CACNG4: variants seen among roughly 807,000 people sequenced by gnomAD.
CACNG4 encodes the protein calcium voltage-gated channel auxiliary subunit gamma 4.
In CACNG4, 8 loss-of-function variants were observed where a neutral mutation model predicts 22.9. That is an observed-to-expected ratio of 0.35 (90% CI 0.21 to 0.63). The LOEUF (loss-of-function observed/expected upper bound fraction) is 0.63, where lower values mean the gene tolerates loss of function less well. Ranked by LOEUF, CACNG4 falls within the 30% of genes least tolerant of loss-of-function variation. The pLI is 0.72. For missense variants in CACNG4, 357 were observed against 455.4 expected, an observed-to-expected ratio of 0.78 and a Z score of 1.97; for synonymous variants, 188 against 191.9, an observed-to-expected ratio of 0.98 and a Z score of 0.17.
Position 67,032,208 on chromosome 17 carries a change from G to C in CACNG4, c.*1204G>C. The stretch of plus-strand genomic sequence containing the variant: ...GGGCTTCTCTTCCTCCCTACAGAGG[G>C]GAGATCTCAGCACTTTGTCCGGAGC... On this transcript the variant is annotated 3_prime_UTR_variant, in exon 4 of 4. Coordinates refer to ENST00000262138, the MANE Select transcript of CACNG4 (RefSeq NM_014405.4). The C allele has an allele frequency of 5.6e-6, 2 of 356,334 alleles. No individual in the cohort carries two copies. The highest frequency in any genetic ancestry group is 2.1e-5 in the South Asian group (1 of 46,748). 22.1% of individuals were successfully genotyped at this position (356,334 alleles called of 1,614,324 possible).
intron 1 of CACNG4, among the ~76,000 whole-genome samples, chr17:66,985,975 G>A (rs1035095459): frequency 6.6e-6 from 1 of 151,712 alleles, no homozygotes; most frequent in Non-Finnish European, 1.5e-5. Flanking sequence ...AGAAGAAGAA[G>A]GTTCCAGACA....
rs2035595917 is a variant in CACNG4, at chr17:67,030,429, C to T, written c.446-37C>T. 14 of 1,598,258 alleles carry T rather than the reference C, an allele frequency of 8.8e-6. No homozygotes were observed. In the Middle Eastern group the frequency reaches 1.7e-3, roughly 191 times the overall value. On this transcript the variant is annotated intron_variant, in intron 3 of 3. Coordinates refer to ENST00000262138, the MANE Select transcript of CACNG4 (RefSeq NM_014405.4). This position sits in a 1 kb window ranked among gnomAD's most constrained non-coding sequence, Gnocchi z 6.4. Reference sequence around the variant, plus strand: ...GGGTCTAACCTCTGCCTCTCTCCCTCCCTGGCCCCGCTCCCCGCTCCCCGC... The same window carrying T: ...GGGTCTAACCTCTGCCTCTCTCCCTTCCTGGCCCCGCTCCCCGCTCCCCGC...
intron 1 of CACNG4, among the ~76,000 whole-genome samples, chr17:66,988,420 TG>T (rs1451296337): frequency 6.6e-6 from 1 of 152,216 alleles, no homozygotes; most frequent in Non-Finnish European, 1.5e-5. Context: ...TTCTTTGAAG[TG>T]AGGAAGCAGA....
At chr17:66,973,910 G>A (rs756868032) in intron 1 of CACNG4, among the ~76,000 whole-genome samples, 3 of 152,186 alleles carry the variant, frequency 2.0e-5, no homozygotes, top group African/African-American at 7.2e-5. Flanking sequence ...AGTGCTGCGC[G>A]AGACTCTCTT....
intron 1 of CACNG4, among the ~76,000 whole-genome samples, chr17:66,972,814 T>A (rs1308661608): frequency 1.3e-5 from 2 of 151,954 alleles, no homozygotes; most frequent in African/African-American, 4.8e-5. Flanking sequence ...TCATTCCAGC[T>A]ACTCGGGAGG....
intron 1 of CACNG4, among the ~76,000 whole-genome samples, chr17:66,983,251 G>A (rs1373837961): frequency 6.6e-6 from 1 of 152,176 alleles, no homozygotes; most frequent in Non-Finnish European, 1.5e-5. Flanking sequence ...CCCAGCACCT[G>A]CACCCAGGTC....
At chr17:66,981,437 T>G (rs904176570) in intron 1 of CACNG4, among the ~76,000 whole-genome samples, 8 of 152,254 alleles carry the variant, frequency 5.3e-5, no homozygotes, top group Non-Finnish European at 1.2e-4. Flanking sequence ...GGGTTCTTCT[T>G]TGGTCTACCC....
chr17:66,975,112 C>T (rs990562476), intron 1 of CACNG4, among the ~76,000 whole-genome samples: 5 of 152,190 alleles, frequency 3.3e-5, no homozygotes, highest in Admixed American at 2.0e-4. Flanking sequence ...CTCCTTCCAC[C>T]GCTATCACCC....
At chr17:67,014,819 C>T (rs2035487260) in intron 1 of CACNG4, among the ~76,000 whole-genome samples, 1 of 151,928 alleles carries the variant, frequency 6.6e-6, no homozygotes, top group Non-Finnish European at 1.5e-5. Flanking sequence ...TGCCTGTAGT[C>T]TCAGTTACTT....
chr17:66,996,152 C>T (rs1313143597), intron 1 of CACNG4, among the ~76,000 whole-genome samples: 2 of 152,088 alleles, frequency 1.3e-5, no homozygotes, highest in African/African-American at 2.4e-5. Flanking sequence ...GATGGGGCAC[C>T]GCATGCTCTG....
At chr17:67,025,116 A>C in intron 3 of CACNG4, 116 bp downstream of exon 3, 3 of 947,632 alleles carry the variant, frequency 3.2e-6, no homozygotes, top group Non-Finnish European at 4.3e-6. Context: ...CAGACATAAC[A>C]TCGCCACATG....
At chr17:66,999,168 A>G (rs1253992863) in intron 1 of CACNG4, among the ~76,000 whole-genome samples, 2 of 152,202 alleles carry the variant, frequency 1.3e-5, no homozygotes, top group African/African-American at 4.8e-5. Context: ...CAGCACCTGC[A>G]TGAGAGGGTT....
intron 1 of CACNG4, among the ~76,000 whole-genome samples, chr17:66,981,467 G>A (rs2035272288): frequency 6.6e-6 from 1 of 152,212 alleles, no homozygotes; most frequent in South Asian, 2.1e-4. Flanking sequence ...GGAAAGGGAA[G>A]GAAATTTACC....
At chr17:67,021,598 G>T (rs927212573) in intron 2 of CACNG4, 13 of 152,320 alleles carry the variant, frequency 8.5e-5, no homozygotes, top group African/African-American at 3.1e-4. Flanking sequence ...ATTTGAGGGG[G>T]TCACCACCCC....
In CACNG4 at chr17:67,030,069, T is replaced by C. The variant is rs1373974376; in HGVS notation, c.446-397T>C. ...TTAGAAAGACAGGGATGGCTCTCCA[T>C]GTTCTGATTCAGAACCGTCTCTCAG... On this transcript the variant is annotated intron_variant, in intron 3 of 3. Transcript: ENST00000262138. This position sits in a 1 kb window ranked among gnomAD's most constrained non-coding sequence, Gnocchi z 6.4. Among the ~76,000 whole-genome samples, 1 of 152,220 alleles carries C rather than the reference T, an allele frequency of 6.6e-6. No homozygotes were observed. Among genetic ancestry groups the C allele is most frequent in the Non-Finnish European group, 1.5e-5 (1 of 68,038 alleles).
intron 1 of CACNG4, among the ~76,000 whole-genome samples, chr17:66,972,020 C>G (rs78318198): frequency 0.012 from 1,758 of 152,194 alleles, 41 homozygotes; most frequent in African/African-American, 0.04. Context: ...GGCTACGTGG[C>G]AGCAGCAGAG....
intron 1 of CACNG4, among the ~76,000 whole-genome samples, chr17:66,967,726 G>A (rs972230339): frequency 2.0e-5 from 3 of 152,178 alleles, no homozygotes; most frequent in Admixed American, 6.5e-5. Flanking sequence ...AAGAAACACT[G>A]CAGCAGGCAG....
At chr17:66,981,635 T>C (rs1567750999) in intron 1 of CACNG4, among the ~76,000 whole-genome samples, 1 of 152,156 alleles carries the variant, frequency 6.6e-6, no homozygotes, top group Non-Finnish European at 1.5e-5. Flanking sequence ...GAGCCGCCCG[T>C]GAGTAGGACG....
chr17:67,026,089 TTGTG>T (rs1453080785), intron 3 of CACNG4, among the ~76,000 whole-genome samples: 3 of 148,476 alleles, frequency 2.0e-5, no homozygotes, highest in Non-Finnish European at 4.5e-5. Flanking sequence ...TGTGGTGTGT[TTGTG>T]TGTGTGAAGA....
Sources: allele counts gnomAD v4.1 joint callset (sites outside exome capture counted in the v4.1 genomes callset), GRCh38; gene constraint gnomAD v4.1.1; non-coding constraint Gnocchi (gnomAD v3.1); transcripts MANE v1.5; gene names NCBI Gene and HGNC (gene_info 2026-07-23, HGNC 2026-07-21).